Variants in NEXMIF observed in about 807,000 individuals in gnomAD.
The protein encoded by NEXMIF is neurite extension and migration factor.
A neutral mutation model predicts 62.1 loss-of-function variants in NEXMIF; 8 were observed. The observed-to-expected ratio is 0.13, with a 90% CI of 0.08 to 0.23. The LOEUF is 0.23. Among genes scored for constraint, NEXMIF ranks in the 10% least tolerant of loss-of-function variants. The pLI is 1.00. For missense variants in NEXMIF, 976 were observed against 1,113.3 expected (o/e 0.88, Z 1.75); for synonymous variants, 404 against 416.6 (o/e 0.97, Z 0.37).
intron 1 of NEXMIF, among the ~76,000 whole-genome samples, chrX:74,914,038 T>C (rs1424728810): frequency 8.9e-6 from 1 of 111,821 alleles, no homozygotes; most frequent in African/African-American, 3.2e-5. Flanking sequence ...CTCAATTATG[T>C]TTGAGGGTTG....
chrX:74,912,689 A>G (rs778502739), intron 1 of NEXMIF, among the ~76,000 whole-genome samples: 1 of 111,302 alleles, frequency 9.0e-6, no homozygotes, highest in East Asian at 2.8e-4. Context: ...CCAAACCCCA[A>G]TTCCTGTAGT....
chrX:74,832,682 T>G (rs1302529166), intron 1 of NEXMIF, among the ~76,000 whole-genome samples: 1 of 112,084 alleles, frequency 8.9e-6, no homozygotes, highest in Non-Finnish European at 1.9e-5. Context: ...CTCTTGCTTT[T>G]TTAATTCTTT....
chrX:74,822,220 C>A (rs2080399600), intron 1 of NEXMIF, among the ~76,000 whole-genome samples: 1 of 111,793 alleles, frequency 8.9e-6, no homozygotes, highest in South Asian at 3.7e-4. Context: ...AACGGAAGAG[C>A]TAAAACTACA....
intron 1 of NEXMIF, among the ~76,000 whole-genome samples, chrX:74,909,476 G>A (rs2080780450): frequency 8.9e-6 from 1 of 112,098 alleles, no homozygotes; most frequent in Non-Finnish European, 1.9e-5. Flanking sequence ...GCATTCAAAA[G>A]GTGACTTGGG....
intron 1 of NEXMIF, among the ~76,000 whole-genome samples, chrX:74,766,228 G>C (rs949628634): frequency 9.0e-6 from 1 of 110,820 alleles, no homozygotes; most frequent in African/African-American, 3.3e-5. Flanking sequence ...TGATCATCTT[G>C]TGTTGAATCT....
intron 1 of NEXMIF, among the ~76,000 whole-genome samples, chrX:74,837,246 T>C (rs781660991): frequency 9.0e-6 from 1 of 111,710 alleles, no homozygotes; most frequent in South Asian, 3.8e-4. Context: ...CAATATAAAG[T>C]CCGGTACTGT....
chrX:74,878,878 C>T (rs1023150714), intron 1 of NEXMIF, among the ~76,000 whole-genome samples: 9 of 112,418 alleles, frequency 8.0e-5, no homozygotes, highest in African/African-American at 2.6e-4. Flanking sequence ...CACTGACCTG[C>T]GCCCACTGTC....
chrX:74,886,855 C>T (rs1359578777), intron 1 of NEXMIF, among the ~76,000 whole-genome samples: 2 of 104,228 alleles, frequency 1.9e-5, no homozygotes, highest in Non-Finnish European at 3.8e-5. Flanking sequence ...AATCCTAAGC[C>T]AAAAGAACAA....
At chrX:74,815,992 C>T (rs1032081988) in intron 1 of NEXMIF, among the ~76,000 whole-genome samples, 7 of 111,257 alleles carry the variant, frequency 6.3e-5, no homozygotes, top group Non-Finnish European at 9.4e-5. Context: ...CTTACTGTTT[C>T]CCCCATATGA....
At chrX:74,830,239 T>C (rs1396012082) in intron 1 of NEXMIF, among the ~76,000 whole-genome samples, 1 of 112,079 alleles carries the variant, frequency 8.9e-6, no homozygotes, top group Non-Finnish European at 1.9e-5. Context: ...TGGCAAGAGA[T>C]GGGGATCAAG....
chrX:74,874,904 G>A (rs1191320836), intron 1 of NEXMIF, among the ~76,000 whole-genome samples: 1 of 108,546 alleles, frequency 9.2e-6, no homozygotes, highest in Admixed American at 1.0e-4. Flanking sequence ...CTGAGACGAT[G>A]GGGTTTTCTA....
At chrX:74,859,405 C>T (rs1178608697) in intron 1 of NEXMIF, among the ~76,000 whole-genome samples, 3 of 111,253 alleles carry the variant, frequency 2.7e-5, no homozygotes, top group Non-Finnish European at 3.8e-5. Context: ...TAGTATATCC[C>T]GTGAAAATTG....
At chrX:74,837,932 C>T (rs1356277174) in intron 1 of NEXMIF, among the ~76,000 whole-genome samples, 2 of 111,437 alleles carry the variant, frequency 1.8e-5, no homozygotes, top group African/African-American at 3.3e-5. Flanking sequence ...TCTATAAATA[C>T]GTATGTTTCT....
At position 74,742,223 on chromosome X, in the gene NEXMIF, C is replaced by T. The variant is rs749341319; in HGVS notation, c.2334G>A (p.Glu778=). ...SNSSRLSEFH[E]AKAAKSSTFL... ...AAGTGGAACTCTTAGCAGCCTTTGCCTCATGAAATTCAGATAGACGGGAAC... is the reference window on the plus strand; with the variant it reads ...AAGTGGAACTCTTAGCAGCCTTTGCTTCATGAAATTCAGATAGACGGGAAC... The change falls in exon 3 of 4, where the codon GAG becomes GAA. Residue 778 remains glutamate (E), a synonymous_variant. Transcript: ENST00000055682. The T allele has an allele frequency of 1.7e-6, 2 of 1,209,316 alleles. No individual in the cohort carries two copies. The highest frequency in any genetic ancestry group is 3.5e-5 in the African/African-American group (2 of 57,185).
At chrX:74,915,482 A>G (rs2080803545) in intron 1 of NEXMIF, among the ~76,000 whole-genome samples, 1 of 111,816 alleles carries the variant, frequency 8.9e-6, no homozygotes, top group African/African-American at 3.3e-5. Context: ...AGGCAGAATA[A>G]AGGCCTTCAA....
intron 1 of NEXMIF, among the ~76,000 whole-genome samples, chrX:74,851,158 AC>A (rs1217314447): frequency 8.1e-5 from 9 of 110,969 alleles, no homozygotes; most frequent in Admixed American, 2.9e-4. Flanking sequence ...TTTTGAAATC[AC>A]CCAGTCAGTC....
intron 1 of NEXMIF, among the ~76,000 whole-genome samples, chrX:74,837,044 G>A (rs2080459362): frequency 9.0e-6 from 1 of 111,349 alleles, no homozygotes; most frequent in African/African-American, 3.3e-5. Context: ...GGTGCTGACT[G>A]AGCCCAGCAT....
intron 1 of NEXMIF, among the ~76,000 whole-genome samples, chrX:74,804,771 T>C (rs2080339942): frequency 8.9e-6 from 1 of 111,829 alleles, no homozygotes; most frequent in African/African-American, 3.3e-5. Context: ...GTCTCAGTAC[T>C]GCCCAGTCCA....
intron 1 of NEXMIF, among the ~76,000 whole-genome samples, chrX:74,900,496 A>AAGAAAC (rs2080746389): frequency 9.0e-6 from 1 of 110,976 alleles, no homozygotes; most frequent in South Asian, 3.8e-4. Flanking sequence ...GAAAAAGAAA[A>AAGAAAC]AGGAAAAACA....
Sources: allele counts gnomAD v4.1 joint callset (sites outside exome capture counted in the v4.1 genomes callset), GRCh38; gene constraint gnomAD v4.1.1; transcripts MANE v1.5; gene names NCBI Gene and HGNC (gene_info 2026-07-23, HGNC 2026-07-21).